ZFAT: variants seen among roughly 807,000 people sequenced by gnomAD.
ZFAT encodes zinc finger and AT-hook domain containing.
A neutral mutation model predicts 117.7 loss-of-function variants in ZFAT; 64 were observed. That is an observed-to-expected ratio of 0.54 (90% CI 0.44 to 0.67). The LOEUF is 0.67. Ranked by LOEUF, ZFAT falls within the 30% of genes least tolerant of loss-of-function variation. The probability of loss-of-function intolerance (pLI) is 0.00; values close to 1 mark genes in which losing one functional copy is unlikely to be tolerated. For synonymous variants in ZFAT, 679 were observed against 615.0 expected, an observed-to-expected ratio of 1.10 and a Z score of -1.54; for missense variants, 1,433 against 1,584.5, an observed-to-expected ratio of 0.90 and a Z score of 1.62.
At chr8:134,713,442 G>A (rs1220027193), upstream of ZFAT, among the ~76,000 whole-genome samples, 1 of 152,224 alleles carries the variant, frequency 6.6e-6, no homozygotes, top group Non-Finnish European at 1.5e-5. Flanking sequence ...TGTGTCCATC[G>A]GGGTGCTCCC....
At chr8:134,801,934 G>GA in the ZFAT span, among the ~76,000 whole-genome samples, 6 of 152,182 alleles carry the variant, frequency 3.9e-5, no homozygotes, top group African/African-American at 1.2e-4. Flanking sequence ...ACTGTGGGGG[G>GA]AAAAGCACAT....
chr8:134,531,602 C>T (rs1450622503), intron 12 of ZFAT, among the ~76,000 whole-genome samples: 1 of 152,314 alleles, frequency 6.6e-6, no homozygotes, highest in South Asian at 2.1e-4. Context: ...GTAACATGCC[C>T]AAGATGGCAC....
At chr8:134,808,682 A>G in the ZFAT span, among the ~76,000 whole-genome samples, 2 of 152,236 alleles carry the variant, frequency 1.3e-5, no homozygotes, top group African/African-American at 4.8e-5. Context: ...CCAACAACAA[A>G]GTACACTTTA....
At chr8:134,658,985 T>C (rs1046391887) in intron 1 of ZFAT, among the ~76,000 whole-genome samples, 1 of 152,230 alleles carries the variant, frequency 6.6e-6, no homozygotes, top group African/African-American at 2.4e-5. Context: ...ACCCATGGTG[T>C]GCCCTCGCCC....
intron 1 of ZFAT, among the ~76,000 whole-genome samples, chr8:134,677,485 T>C (rs1832860633): frequency 1.3e-5 from 2 of 152,176 alleles, no homozygotes; most frequent in Non-Finnish European, 2.9e-5. Flanking sequence ...CAGGACCAGA[T>C]GGATTTACAG....
chr8:134,700,422 A>G (rs1833979401), intron 1 of ZFAT, among the ~76,000 whole-genome samples: 1 of 152,038 alleles, frequency 6.6e-6, no homozygotes, highest in Non-Finnish European at 1.5e-5. Context: ...GGAGGTAGAG[A>G]CTCAGGACAT....
chr8:134,712,676 A>G (rs556538095), intron 1 of ZFAT, among the ~76,000 whole-genome samples, 169 bp downstream of exon 1: 5 of 146,144 alleles, frequency 3.4e-5, no homozygotes, highest in East Asian at 2.1e-4. Flanking sequence ...TGAGCCGCAG[A>G]ACGCAACTAC....
upstream of ZFAT, among the ~76,000 whole-genome samples, chr8:134,716,399 C>T (rs1009260931): frequency 2.1e-4 from 32 of 152,130 alleles, no homozygotes; most frequent in Admixed American, 1.8e-3. Flanking sequence ...GATTAGGAAA[C>T]AGCATCTTTT....
chr8:134,565,346 T>C lies in ZFAT; in HGVS notation c.2963A>G (p.His988Arg), dbSNP rs1182254311. 1.9e-6 allele frequency: 3 copies of C among 1,613,870 alleles called. No homozygotes were observed. The highest frequency in any genetic ancestry group is 2.5e-6 in the Non-Finnish European group (3 of 1,179,862). ...KPQLLRHMEQ[H>R]VSFKPFRCAH... ...GAGCCCTCTTACCTTGAAGGAGACA[T>C]GCTGTTCCATGTGCCGCAGCAGCTG... is the stretch of plus-strand genomic sequence containing the variant. Residue 988 changes from histidine (H) to arginine (R), a missense_variant, in exon 11 of 16, where the codon CAT becomes CGT. Coordinates refer to ENST00000377838, the MANE Select transcript of ZFAT (RefSeq NM_020863.4).
At chr8:134,556,964 G>A (rs1419992899) in intron 11 of ZFAT, among the ~76,000 whole-genome samples, 1 of 151,236 alleles carries the variant, frequency 6.6e-6, no homozygotes, top group African/African-American at 2.4e-5. Flanking sequence ...TAAAATTTTA[G>A]TTTCATTATG....
the ZFAT span, among the ~76,000 whole-genome samples, chr8:134,789,738 C>T: frequency 2.0e-5 from 3 of 152,130 alleles, no homozygotes; most frequent in Non-Finnish European, 2.9e-5. Flanking sequence ...AAAGCAAAAG[C>T]ACAACAGTTT....
chr8:134,548,000 G>A (rs1403645363), intron 11 of ZFAT, among the ~76,000 whole-genome samples: 1 of 152,234 alleles, frequency 6.6e-6, no homozygotes, highest in African/African-American at 2.4e-5. Flanking sequence ...TGGAGTGAAG[G>A]ACCAGGCATG....
intron 12 of ZFAT, among the ~76,000 whole-genome samples, chr8:134,527,133 A>G (rs970417693): frequency 6.6e-6 from 1 of 152,170 alleles, no homozygotes; most frequent in Non-Finnish European, 1.5e-5. Flanking sequence ...TCCACTGGCC[A>G]TTTCTGGCTT....
the ZFAT span, among the ~76,000 whole-genome samples, chr8:134,824,548 A>G: frequency 6.6e-6 from 1 of 152,332 alleles, no homozygotes; most frequent in Middle Eastern, 3.4e-3. Flanking sequence ...CCTCCAGCAC[A>G]CTCTCAGCAA....
At chr8:134,701,107 G>A (rs1405959277) in intron 1 of ZFAT, among the ~76,000 whole-genome samples, 7 of 151,990 alleles carry the variant, frequency 4.6e-5, no homozygotes, top group East Asian at 3.8e-4. Context: ...CAACCATCTC[G>A]ACCATCCATC....
chr8:134,552,487 T>C (rs1823240917), intron 11 of ZFAT, among the ~76,000 whole-genome samples: 1 of 152,220 alleles, frequency 6.6e-6, no homozygotes, highest in African/African-American at 2.4e-5. Flanking sequence ...GTTATGCAAA[T>C]TTTAGGCTGA....
At chr8:134,532,018 C>T (rs1821456873) in intron 12 of ZFAT, among the ~76,000 whole-genome samples, 1 of 152,176 alleles carries the variant, frequency 6.6e-6, no homozygotes, top group Admixed American at 6.5e-5. Context: ...TAACTGTGTG[C>T]TGCAATCATT....
In ZFAT at chr8:134,638,549, C is replaced by CAAAAAAAAAAAAAAAAA. The variant is rs758050176; in HGVS notation, c.197-838_197-837insTTTTTTTTTTTTTTTTT. Reference sequence around the variant, plus strand: ...TGAAACTCTGTCTCTACTAAAAATACAAAAAAAAAACAAAACAAAAAAAAA... The same window carrying CAAAAAAAAAAAAAAAAA: ...TGAAACTCTGTCTCTACTAAAAATACAAAAAAAAAAAAAAAAAAAAAAAAAAACAAAACAAAAAAAAA... On this transcript the variant is annotated intron_variant, in intron 2 of 15. Transcript: ENST00000377838. 2.8e-4 allele frequency among the ~76,000 whole-genome samples: 28 copies of CAAAAAAAAAAAAAAAAA among 101,110 alleles called. 2 individuals carry two copies. The highest frequency in any genetic ancestry group is 6.3e-4 in the African/African-American group (17 of 26,858). The allele number at this position is 101,110 out of a possible 152,430, so 66.3% of individuals were successfully genotyped here.
chr8:134,765,738 AC>A, the ZFAT span: 1 of 152,056 alleles, frequency 6.6e-6, no homozygotes, highest in Non-Finnish European at 1.5e-5. Context: ...GGCTGCCTGC[AC>A]CTGAGTACAG....
Sources: gnomAD v4.1 joint callset for allele counts (sites outside exome capture counted in the v4.1 genomes callset) on GRCh38, gnomAD v4.1.1 for gene constraint, MANE v1.5 for transcripts, NCBI Gene and HGNC (gene_info 2026-07-23, HGNC 2026-07-21) for gene names.